Variants in ATP6V1E1 observed in about 807,000 individuals in gnomAD.
The protein encoded by ATP6V1E1 is V-type proton ATPase subunit E 1.
Under a neutral mutation model 35.2 loss-of-function variants are expected in ATP6V1E1, and 21 were observed. The ratio of observed to expected loss-of-function variants is 0.60; its 90% CI spans 0.42 to 0.86. The LOEUF (loss-of-function observed/expected upper bound fraction) is 0.86, where lower values mean the gene tolerates loss of function less well. ATP6V1E1 is among the 40% of genes least tolerant of loss of function. The pLI, the probability that ATP6V1E1 is intolerant of heterozygous loss-of-function variation, is 0.00. For synonymous variants in ATP6V1E1, 83 were observed against 87.8 expected (o/e 0.95, Z 0.30); for missense variants, 183 against 272.6 (o/e 0.67, Z 2.32).
intron 4 of ATP6V1E1, among the ~76,000 whole-genome samples, chr22:17,607,431 T>A (rs946221295): frequency 6.6e-6 from 1 of 151,998 alleles, no homozygotes; most frequent in African/African-American, 2.4e-5. Context: ...GCTGGGATTA[T>A]CTTCCCATAT....
chr22:17,617,047 C>CAA (rs535211268), intron 2 of ATP6V1E1, among the ~76,000 whole-genome samples: 4 of 33,490 alleles, frequency 1.2e-4, no homozygotes, highest in East Asian at 1.2e-3. Context: ...GACTCCGTCT[C>CAA]AAAAAAAAAA....
At chr22:17,617,873 G>A (rs896709743) in intron 2 of ATP6V1E1, among the ~76,000 whole-genome samples, 3 of 152,150 alleles carry the variant, frequency 2.0e-5, no homozygotes, top group Middle Eastern at 3.2e-3. Flanking sequence ...GCAGTGGCAC[G>A]ATCTCTGCTG....
chr22:17,616,297 G>C (rs1207020677), intron 2 of ATP6V1E1, among the ~76,000 whole-genome samples: 4 of 152,138 alleles, frequency 2.6e-5, no homozygotes, highest in Non-Finnish European at 5.9e-5. Flanking sequence ...GTGGTGAGCC[G>C]ACATTGCACC....
At chr22:17,613,134 A>C (rs1488374962) in intron 3 of ATP6V1E1, 77 bp downstream of exon 3, 1 of 1,255,706 alleles carries the variant, frequency 8.0e-7, no homozygotes, top group Non-Finnish European at 1.1e-6. Context: ...CTGAATTTAT[A>C]TATGCCTGAC....
Position 17,592,511 on chromosome 22 carries a change from A to G in ATP6V1E1, c.*163T>C. 2 of 736,926 alleles carry G rather than the reference A, an allele frequency of 2.7e-6. No individual in the cohort carries two copies. The highest frequency in any genetic ancestry group is 4.6e-6 in the Non-Finnish European group (2 of 438,786). 45.6% of individuals were successfully genotyped at this position (736,926 alleles called of 1,614,324 possible). On this transcript the variant is annotated 3_prime_UTR_variant, in exon 9 of 9. Coordinates refer to ENST00000253413, the MANE Select transcript of ATP6V1E1 (RefSeq NM_001696.4). Reference sequence around the variant, plus strand: ...TTACATGAAGCTTTCCACCATTGTGAACAATTAGGCAAGGCATGAGTGACA... The same window carrying G: ...TTACATGAAGCTTTCCACCATTGTGGACAATTAGGCAAGGCATGAGTGACA...
At chr22:17,592,962 G>T (rs1285525761) in intron 8 of ATP6V1E1, among the ~76,000 whole-genome samples, 1 of 152,014 alleles carries the variant, frequency 6.6e-6, no homozygotes, top group Admixed American at 6.5e-5. Context: ...TAATTTTTTT[G>T]TATTTTTAGT....
At chr22:17,607,527 G>GT (rs2057792736) in intron 4 of ATP6V1E1, among the ~76,000 whole-genome samples, 1 of 151,976 alleles carries the variant, frequency 6.6e-6, no homozygotes, top group East Asian at 1.9e-4. Context: ...CATCACAACT[G>GT]TAAGTCACCA....
At chr22:17,592,797 C>CAT in intron 8 of ATP6V1E1, 61 bp from the exon 9 acceptor site, 18 of 820,222 alleles carry the variant, frequency 2.2e-5, no homozygotes, top group Non-Finnish European at 2.9e-5. Flanking sequence ...GAGCGCTGCA[C>CAT]ATCTTTTTTT....
chr22:17,619,049 T>G, intron 2 of ATP6V1E1: 1 of 454,566 alleles, frequency 2.2e-6, no homozygotes, highest in South Asian at 1.6e-5. Context: ...ATCCCAGCAC[T>G]TGGGGAGGAC....
chr22:17,624,304 C>G lies in ATP6V1E1; in HGVS notation c.33+4299G>C, dbSNP rs925913849. 2.0e-5 allele frequency among the ~76,000 whole-genome samples: 3 copies of G among 152,118 alleles called. 1 individual carries two copies. The highest frequency in any genetic ancestry group is 4.1e-4 in the South Asian group (2 of 4,824). ...GGTGCAGTGGCTGACACCTGTAATC[C>G]CAATACTTTGGGAGGCTGAGGCGGG... On this transcript the variant is annotated intron_variant, in intron 1 of 8. Transcript: ENST00000253413.
chr22:17,614,046 G>A (rs868721502), intron 2 of ATP6V1E1, among the ~76,000 whole-genome samples: 10 of 151,364 alleles, frequency 6.6e-5, no homozygotes, highest in Non-Finnish European at 1.0e-4. Context: ...CTTGTAAAAT[G>A]AACTTAAAAA....
chr22:17,628,290 C>T (rs1257205433), intron 1 of ATP6V1E1, among the ~76,000 whole-genome samples: 1 of 152,198 alleles, frequency 6.6e-6, no homozygotes, highest in African/African-American at 2.4e-5. Context: ...AATCCTTGCA[C>T]AGATCTCTGT....
intron 4 of ATP6V1E1, among the ~76,000 whole-genome samples, chr22:17,604,381 C>T (rs1265540649): frequency 6.6e-6 from 1 of 152,156 alleles, no homozygotes; most frequent in Non-Finnish European, 1.5e-5. Context: ...CCCAACTGAA[C>T]CTAACTGCCC....
intron 7 of ATP6V1E1, chr22:17,595,058 G>GTTT (rs367683453): frequency 1.1e-4 from 17 of 151,782 alleles, no homozygotes; most frequent in East Asian, 1.9e-4. Flanking sequence ...GTGTCAATTT[G>GTTT]TTTTGTTTTT....
chr22:17,613,514 T>C (rs1414493082), intron 2 of ATP6V1E1, among the ~76,000 whole-genome samples, 194 bp from the exon 3 acceptor site: 1 of 152,228 alleles, frequency 6.6e-6, no homozygotes, highest in African/African-American at 2.4e-5. Flanking sequence ...AATGACGTAC[T>C]AGGAAACTAA....
Position 17,622,253 on chromosome 22 carries a change from T to C in ATP6V1E1, c.34-2727A>G, listed in dbSNP as rs1294100276. On this transcript the variant is annotated intron_variant, in intron 1 of 8. Transcript: ENST00000253413. ...AGCACCACTGAGTACAGGGATCTTG[T>C]CTTTTATGCCAGTGTGAACCCAGAA... Among the ~76,000 whole-genome samples the C allele has an allele frequency of 5.3e-5, 8 of 150,086 alleles. No individual in the cohort carries two copies. In the East Asian group the frequency reaches 1.5e-3, roughly 29 times the overall value.
At chr22:17,615,234 G>C (rs1045266801) in intron 2 of ATP6V1E1, among the ~76,000 whole-genome samples, 1 of 152,172 alleles carries the variant, frequency 6.6e-6, no homozygotes, top group Admixed American at 6.6e-5. Flanking sequence ...CCAGGAGGCA[G>C]AGATTACAGT....
At chr22:17,598,364 A>G (rs2146296767) in intron 6 of ATP6V1E1, 76 bp from the exon 7 acceptor site, 2 of 1,148,514 alleles carry the variant, frequency 1.7e-6, no homozygotes, top group Middle Eastern at 2.0e-4. Context: ...CAGACTATAC[A>G]AGCAAGGATA....
chr22:17,599,851 G>T (rs2057753223), intron 6 of ATP6V1E1, among the ~76,000 whole-genome samples, 176 bp downstream of exon 6: 1 of 151,176 alleles, frequency 6.6e-6, no homozygotes, highest in Non-Finnish European at 1.5e-5. Flanking sequence ...CTTGAACCCG[G>T]CAGGCAGAGG....
Sources: gnomAD v4.1 joint callset for allele counts (sites outside exome capture counted in the v4.1 genomes callset) on GRCh38, gnomAD v4.1.1 for gene constraint, MANE v1.5 for transcripts, NCBI Gene and HGNC (gene_info 2026-07-23, HGNC 2026-07-21) for gene names.